Variants in GPR39 observed in about 807,000 individuals in gnomAD.
The protein encoded by GPR39 is zinc sensing receptor.
In GPR39, 23 loss-of-function variants were observed where a neutral mutation model predicts 18.4. That is an observed-to-expected ratio of 1.25 (90% CI 0.90 to 1.77). The LOEUF (loss-of-function observed/expected upper bound fraction) is 1.77. GPR39 is among the 40% of genes most tolerant of loss of function. The pLI is 0.00. For synonymous variants in GPR39, 280 were observed against 257.9 expected (o/e 1.09, Z -0.82); for missense variants, 647 against 602.4 (o/e 1.07, Z -0.78).
chr2:132,520,786 CAG>C, intron 1 of GPR39, among the ~76,000 whole-genome samples: 1 of 152,266 alleles, frequency 6.6e-6, no homozygotes, highest in East Asian at 1.9e-4. Flanking sequence ...GCATTTTTAG[CAG>C]AGAGTGGGAG....
intron 1 of GPR39, among the ~76,000 whole-genome samples, chr2:132,591,514 A>G (rs1680843705): frequency 6.6e-6 from 1 of 152,130 alleles, no homozygotes; most frequent in African/African-American, 2.4e-5. Context: ...CTTGCTCCTC[A>G]GCTTGCAGAG....
At chr2:132,601,325 T>G (rs180796790) in intron 1 of GPR39, among the ~76,000 whole-genome samples, 1 of 152,268 alleles carries the variant, frequency 6.6e-6, no homozygotes, top group East Asian at 1.9e-4. Flanking sequence ...AATCAATAAA[T>G]GTGATACACA....
chr2:132,522,031 T>C (rs762384141), intron 1 of GPR39, among the ~76,000 whole-genome samples: 2 of 152,236 alleles, frequency 1.3e-5, no homozygotes, highest in Admixed American at 6.5e-5. Context: ...CAATAGTTGC[T>C]GTGTAAATGC....
At chr2:132,528,149 G>T (rs1679546158) in intron 1 of GPR39, among the ~76,000 whole-genome samples, 1 of 152,114 alleles carries the variant, frequency 6.6e-6, no homozygotes, top group African/African-American at 2.4e-5. Flanking sequence ...TCTTCACATG[G>T]CTAGTGAGTT....
intron 1 of GPR39, among the ~76,000 whole-genome samples, chr2:132,430,371 G>A (rs1680203862): frequency 6.6e-6 from 1 of 152,198 alleles, no homozygotes; most frequent in African/African-American, 2.4e-5. Context: ...AAGGCAGGCT[G>A]GGGGTGGCTG....
At chr2:132,545,385 G>A (rs1381833314) in intron 1 of GPR39, among the ~76,000 whole-genome samples, 2 of 152,176 alleles carry the variant, frequency 1.3e-5, no homozygotes, top group Admixed American at 1.3e-4. Flanking sequence ...AAGGTGATGT[G>A]ATTTCAGGGT....
chr2:132,617,000 A>T lies in GPR39; in HGVS notation c.857-28101A>T, dbSNP rs186527934. Among the ~76,000 whole-genome samples, 883 of 152,190 alleles carry T rather than the reference A, an allele frequency of 5.8e-3. 5 individuals are homozygous for T. Among genetic ancestry groups the T allele is most frequent in the Middle Eastern group, 0.027 (8 of 294 alleles). On this transcript the variant is annotated intron_variant, in intron 1 of 1. Transcript: ENST00000329321. Reference sequence around the variant, plus strand: ...CCATTCATAGAGACATTTTTAAAAAATTTTTTTCCAGTAGCACAGTCAAAC... The same window carrying T: ...CCATTCATAGAGACATTTTTAAAAATTTTTTTTCCAGTAGCACAGTCAAAC...
Position 132,646,443 on chromosome 2 carries a change from A to C in GPR39, c.*837A>C, listed in dbSNP as rs1682083572. 5 of 419,088 alleles carry C rather than the reference A, an allele frequency of 1.2e-5. No individual in the cohort carries two copies. Among genetic ancestry groups the C allele is most frequent in the Non-Finnish European group, 2.1e-5 (5 of 238,214 alleles). 26.0% of individuals were successfully genotyped at this position (419,088 alleles called of 1,614,324 possible). On this transcript the variant is annotated 3_prime_UTR_variant, in exon 2 of 2. Transcript: ENST00000329321. ...TCGGATTGTCTCATTGATATTCAAG[A>C]TAGATGGTGAAAGAGACAGGCACTA...
At chr2:132,545,614 A>G (rs11687686) in intron 1 of GPR39, among the ~76,000 whole-genome samples, 7,034 of 151,626 alleles carry the variant, frequency 0.046, 227 homozygotes, top group African/African-American at 0.078. Context: ...TAACAGTCAG[A>G]TTGTCTTAAA....
At chr2:132,638,120 A>G (rs1360861018) in intron 1 of GPR39, among the ~76,000 whole-genome samples, 1 of 152,106 alleles carries the variant, frequency 6.6e-6, no homozygotes, top group Non-Finnish European at 1.5e-5. Context: ...AAGGGGAGGG[A>G]AAAAGAGACA....
chr2:132,435,753 C>T (rs113775422), intron 1 of GPR39, among the ~76,000 whole-genome samples: 1,517 of 95,368 alleles, frequency 0.016, 28 homozygotes, highest in African/African-American at 0.058. Context: ...CATATTTTCT[C>T]GTGTAAAGCT....
At chr2:132,510,266 A>C (rs772193911) in intron 1 of GPR39, among the ~76,000 whole-genome samples, 42 of 152,302 alleles carry the variant, frequency 2.8e-4, no homozygotes, top group East Asian at 5.8e-4. Flanking sequence ...CATACAAGAC[A>C]TGAAGTGAGC....
intron 1 of GPR39, among the ~76,000 whole-genome samples, chr2:132,590,500 C>T (rs1303892958): frequency 6.6e-6 from 1 of 151,926 alleles, no homozygotes; most frequent in African/African-American, 2.4e-5. Context: ...GTGGACTAGG[C>T]GCAAGACCTA....
chr2:132,492,855 A>G (rs1452934230), intron 1 of GPR39, among the ~76,000 whole-genome samples: 5 of 142,352 alleles, frequency 3.5e-5, no homozygotes, highest in Non-Finnish European at 6.0e-5. Flanking sequence ...TACACCATAT[A>G]TATACCATAT....
At chr2:132,603,003 C>T (rs1314833124) in intron 1 of GPR39, among the ~76,000 whole-genome samples, 1 of 151,792 alleles carries the variant, frequency 6.6e-6, no homozygotes, top group African/African-American at 2.4e-5. Context: ...AAAAATAGAA[C>T]TACCGTATGA....
At chr2:132,450,852 T>C (rs1028697139) in intron 1 of GPR39, among the ~76,000 whole-genome samples, 1 of 152,238 alleles carries the variant, frequency 6.6e-6, no homozygotes, top group Admixed American at 6.5e-5. Flanking sequence ...GTTTTGTTTT[T>C]CCTTTATTTA....
intron 1 of GPR39, chr2:132,604,901 A>G (rs1294580182): frequency 1.3e-5 from 2 of 152,328 alleles, no homozygotes; most frequent in Non-Finnish European, 2.9e-5. Context: ...GGATGGCTGG[A>G]TATAGAAGGT....
intron 1 of GPR39, among the ~76,000 whole-genome samples, chr2:132,539,672 T>G (rs988774301): frequency 6.6e-6 from 1 of 152,190 alleles, no homozygotes; most frequent in African/African-American, 2.4e-5. Flanking sequence ...AGTGCTTGCC[T>G]GGGTGGTTCC....
chr2:132,638,349 C>G (rs963942468), intron 1 of GPR39, among the ~76,000 whole-genome samples: 6 of 152,190 alleles, frequency 3.9e-5, no homozygotes, highest in Non-Finnish European at 7.3e-5. Flanking sequence ...CCAGGGGCTC[C>G]ACCTCAATTT....
Sources: allele counts gnomAD v4.1 joint callset (sites outside exome capture counted in the v4.1 genomes callset), GRCh38; gene constraint gnomAD v4.1.1; transcripts MANE v1.5; gene names NCBI Gene and HGNC (gene_info 2026-07-23, HGNC 2026-07-21).